The following GAS7 variants were observed in gnomAD, a reference collection of about 807,000 sequenced individuals.
GAS7 encodes growth arrest-specific protein 7.
Under a neutral mutation model 71.1 loss-of-function variants are expected in GAS7, and 28 were observed. The observed-to-expected ratio is 0.39, with a 90% CI of 0.29 to 0.54. The LOEUF is 0.54. GAS7 is among the 20% of genes least tolerant of loss of function. GAS7 has a pLI of 0.62. For missense variants in GAS7, 436 were observed against 627.8 expected (o/e 0.69, Z 3.27); for synonymous variants, 258 against 245.8 (o/e 1.05, Z -0.46).
intron 6 of GAS7, 77 bp downstream of exon 6, chr17:9,946,817 G>T: frequency 1.2e-6 from 1 of 845,012 alleles, no homozygotes; most frequent in East Asian, 2.6e-5. Flanking sequence ...TTGAGATCCA[G>T]GTCCCTCCTA....
intron 2 of GAS7, among the ~76,000 whole-genome samples, chr17:9,988,862 T>TTTC: frequency 6.6e-6 from 1 of 151,162 alleles, no homozygotes; most frequent in South Asian, 2.1e-4. Flanking sequence ...TTTTTTTTTT[T>TTTC]TTTTGAGACG....
chr17:10,025,601 G>T (rs2072436787), intron 1 of GAS7, among the ~76,000 whole-genome samples: 1 of 150,898 alleles, frequency 6.6e-6, no homozygotes, highest in South Asian at 2.1e-4. Flanking sequence ...AAAAAAAGCA[G>T]GCAAGCAAAG....
chr17:9,964,583 AC>A (rs1291502188), intron 4 of GAS7, among the ~76,000 whole-genome samples: 1 of 152,092 alleles, frequency 6.6e-6, no homozygotes, highest in East Asian at 1.9e-4. Flanking sequence ...TTCTTTCCCC[AC>A]CTCTTTGCCA....
rs1010795837 is a variant in GAS7 at position 9,917,065 on chromosome 17, C to T, written c.*163G>A. ...TTCTGGGCCTGGGAATATGGGGGAG[C>T]CCCCAGCTAGGCTGTCCGGGTCACC... On this transcript the variant is annotated 3_prime_UTR_variant, in exon 14 of 14. Transcript: ENST00000432992. 1.6e-5 allele frequency: 10 copies of T among 608,980 alleles called. No homozygotes were observed. The highest frequency in any genetic ancestry group is 9.2e-5 in the African/African-American group (5 of 54,190). 37.7% of individuals were successfully genotyped at this position (608,980 alleles called of 1,614,324 possible).
chr17:10,135,267 TA>T (rs1035736385), intron 1 of GAS7, among the ~76,000 whole-genome samples: 9 of 152,180 alleles, frequency 5.9e-5, no homozygotes, highest in Non-Finnish European at 8.8e-5. Flanking sequence ...ATGGCAATGG[TA>T]AAATGACCTG....
chr17:9,935,892 C>T (rs1299523497), intron 8 of GAS7, among the ~76,000 whole-genome samples: 1 of 152,206 alleles, frequency 6.6e-6, no homozygotes, highest in Non-Finnish European at 1.5e-5. Flanking sequence ...CTCTGGGTGG[C>T]TTGGGTGCCC....
intron 2 of GAS7, among the ~76,000 whole-genome samples, chr17:9,990,474 G>A (rs1039772015): frequency 6.6e-6 from 1 of 152,118 alleles, no homozygotes; most frequent in African/African-American, 2.4e-5. Flanking sequence ...TTAGTCTCAG[G>A]GACCACCCAG....
intron 3 of GAS7, among the ~76,000 whole-genome samples, chr17:9,970,136 C>T (rs1284466566): frequency 1.3e-5 from 2 of 152,238 alleles, no homozygotes; most frequent in South Asian, 2.1e-4. Context: ...AGAGTCGGGG[C>T]GGGGGGCTCT....
intron 1 of GAS7, among the ~76,000 whole-genome samples, chr17:10,033,700 A>G (rs1000639242): frequency 2.0e-5 from 3 of 152,344 alleles, no homozygotes; most frequent in Admixed American, 2.0e-4. Context: ...TCATTATGGT[A>G]TAAGAGTAGG....
chr17:10,184,502 A>G (rs888621428), intron 1 of GAS7, among the ~76,000 whole-genome samples: 1 of 152,254 alleles, frequency 6.6e-6, no homozygotes, highest in Admixed American at 6.5e-5. Context: ...TCCAGGATTT[A>G]ACAAGTCTTG....
chr17:10,015,196 G>A (rs2071945350), intron 2 of GAS7, among the ~76,000 whole-genome samples: 1 of 152,002 alleles, frequency 6.6e-6, no homozygotes. Flanking sequence ...ATTAGCCAAG[G>A]CAAGGTAATA....
At chr17:10,093,833 A>ACTACTACG (rs2073614072) in intron 1 of GAS7, among the ~76,000 whole-genome samples, 1 of 152,092 alleles carries the variant, frequency 6.6e-6, no homozygotes, top group African/African-American at 2.4e-5. Context: ...TATTTCATCT[A>ACTACTACG]CTACTACGTA....
At chr17:10,141,041 G>A (rs969472574) in intron 1 of GAS7, among the ~76,000 whole-genome samples, 3 of 152,368 alleles carry the variant, frequency 2.0e-5, no homozygotes, top group African/African-American at 7.2e-5. Flanking sequence ...GACAGCCACA[G>A]AAAGGCTGCT....
intron 1 of GAS7, among the ~76,000 whole-genome samples, chr17:10,126,660 T>G (rs541149414): frequency 3.3e-5 from 5 of 152,170 alleles, no homozygotes; most frequent in Non-Finnish European, 7.3e-5. Context: ...TCTCTCAAGA[T>G]CTTCCTCCTG....
At chr17:10,014,505 T>C (rs749402108) in intron 2 of GAS7, among the ~76,000 whole-genome samples, 1 of 152,114 alleles carries the variant, frequency 6.6e-6, no homozygotes, top group Non-Finnish European at 1.5e-5. Context: ...CCTGACTCTC[T>C]CTCTCACCTC....
chr17:10,180,905 C>T (rs1340801004), intron 1 of GAS7, among the ~76,000 whole-genome samples: 1 of 151,922 alleles, frequency 6.6e-6, no homozygotes, highest in African/African-American at 2.4e-5. Context: ...AGTCCCTAAG[C>T]CTGGTTGTAC....
At chr17:10,191,735 CATG>C (rs1420222101) in intron 1 of GAS7, among the ~76,000 whole-genome samples, 2 of 151,460 alleles carry the variant, frequency 1.3e-5, no homozygotes, top group African/African-American at 4.9e-5. Context: ...ATTAGCCAGG[CATG>C]GTGGTGGAAG....
chr17:10,125,984 C>T (rs1324274511), intron 1 of GAS7, among the ~76,000 whole-genome samples: 2 of 152,162 alleles, frequency 1.3e-5, no homozygotes, highest in Non-Finnish European at 2.9e-5. Context: ...CTGACCACCA[C>T]GGGTGCAACC....
intron 3 of GAS7, among the ~76,000 whole-genome samples, chr17:9,979,841 G>A (rs547469178): frequency 3.3e-5 from 5 of 150,448 alleles, no homozygotes; most frequent in African/African-American, 9.8e-5. Flanking sequence ...TGCGTCATTC[G>A]CACTGGCATT....
Sources: gnomAD v4.1 joint callset for allele counts (sites outside exome capture counted in the v4.1 genomes callset) on GRCh38, gnomAD v4.1.1 for gene constraint, MANE v1.5 for transcripts, NCBI Gene and HGNC (gene_info 2026-07-23, HGNC 2026-07-21) for gene names.